The following PTPN22 variants were observed in gnomAD, a reference collection of about 807,000 sequenced individuals.
The protein encoded by PTPN22 is tyrosine-protein phosphatase non-receptor type 22.
PTPN22 carries 85 observed loss-of-function variants against 103.3 expected under a neutral mutation model. The observed-to-expected ratio is 0.82, with a 90% confidence interval of 0.69 to 0.99. PTPN22 has a LOEUF of 0.99. Among genes scored for constraint, PTPN22 ranks in the 50% least tolerant of loss-of-function variants. The pLI, the probability that PTPN22 is intolerant of heterozygous loss-of-function variation, is 0.00. For synonymous variants in PTPN22, 323 were observed against 310.2 expected, an observed-to-expected ratio of 1.04 and a Z score of -0.43; for missense variants, 865 against 936.9, an observed-to-expected ratio of 0.92 and a Z score of 1.00.
intron 16 of PTPN22, among the ~76,000 whole-genome samples, chr1:113,831,419 G>C (rs190094399): frequency 6.6e-6 from 1 of 151,996 alleles, no homozygotes; most frequent in African/African-American, 2.4e-5. Flanking sequence ...CCCAGCCCCT[G>C]GCAATCACTA....
Position 113,838,540 on chromosome 1 carries a change from T to C in PTPN22, c.992+4A>G, listed in dbSNP as rs1428057435. ...AACATTTAGATATATAAAATTGTACTCACCTTTTTGGTAAATTAGGAGAAT... is the reference window on the plus strand; with the variant it reads ...AACATTTAGATATATAAAATTGTACCCACCTTTTTGGTAAATTAGGAGAAT... On this transcript the variant is annotated splice_donor_region_variant and intron_variant, in intron 12 of 20. Transcript: ENST00000359785. 6.2e-7 allele frequency: 1 copy of C among 1,612,018 alleles called. No homozygotes were observed. Among genetic ancestry groups the C allele is most frequent in the Non-Finnish European group, 8.5e-7 (1 of 1,179,560 alleles).
chr1:113,848,691 C>G, intron 10 of PTPN22, 65 bp from the exon 11 acceptor site: 1 of 1,456,648 alleles, frequency 6.9e-7, no homozygotes, highest in Non-Finnish European at 9.4e-7. Context: ...ACGACAGGAC[C>G]AGATTTTAGG....
chr1:113,827,807 C>A (rs1662218102), intron 18 of PTPN22, among the ~76,000 whole-genome samples: 1 of 151,988 alleles, frequency 6.6e-6, no homozygotes, highest in Non-Finnish European at 1.5e-5. Flanking sequence ...CATAGCAAGA[C>A]CCCATCTCTA....
chr1:113,842,533 G>C (rs560633030), intron 11 of PTPN22, among the ~76,000 whole-genome samples: 2 of 152,146 alleles, frequency 1.3e-5, no homozygotes, highest in African/African-American at 4.8e-5. Context: ...AATTATCTGG[G>C]CGTGGTGGCA....
chr1:113,858,757 A>G (rs1322856959), intron 3 of PTPN22, among the ~76,000 whole-genome samples, 184 bp from the exon 4 acceptor site: 1 of 150,668 alleles, frequency 6.6e-6, no homozygotes, highest in African/African-American at 2.4e-5. Flanking sequence ...CCCTTTCCTC[A>G]GCCTCTCCAG....
rs1314425403 is a variant in PTPN22 at position 113,853,352 on chromosome 1, C to CTT, written c.750+1117_750+1118dup. Among the ~76,000 whole-genome samples the CTT allele has an allele frequency of 9.1e-4, 119 of 130,296 alleles. 1 individual carries two copies. Among genetic ancestry groups the CTT allele is most frequent in the South Asian group, 2.0e-3 (8 of 4,020 alleles). The allele number at this position is 130,296 out of a possible 152,430, so 85.5% of individuals were successfully genotyped here. A position where few individuals can be genotyped will look rare whatever the true frequency, so the allele number is the denominator to read the frequency against. On this transcript the variant is annotated intron_variant, in intron 9 of 20. Transcript: ENST00000359785. The stretch of plus-strand genomic sequence containing the variant: ...GTGATTTTAAATTTTCTTTTTCTTT[C>CTT]TTTTTTTTTTTTTTTTTTGAGGACT...
exon 1 of PTPN22, chr1:113,871,639 A>C: frequency 6.2e-7 from 1 of 1,612,564 alleles, no homozygotes; most frequent in Non-Finnish European, 8.5e-7. Context: ...AGAGCAAGAA[A>C]AATAGTCTAT....
Position 113,854,938 on chromosome 1 carries a change from C to T in PTPN22, c.652G>A (p.Asp218Asn). 1 of 1,613,276 alleles carries T rather than the reference C, an allele frequency of 6.2e-7. No homozygotes were observed. Among genetic ancestry groups the T allele is most frequent in the South Asian group, 1.1e-5 (1 of 91,058 alleles). Reference sequence around the variant, plus strand: ...TGAATGCATATGGGAACACTGTCATCCTCTTGGTAACAACGTACATCCCAG... The same window carrying T: ...TGAATGCATATGGGAACACTGTCATTCTCTTGGTAACAACGTACATCCCAG... The change falls in exon 8 of 21, where the codon GAT (aspartate) becomes AAT (asparagine). Residue 218 changes from aspartate (D) to asparagine (N), a missense_variant. Coordinates refer to ENST00000359785, the Ensembl canonical transcript of PTPN22.
intron 5 of PTPN22, 101 bp downstream of exon 5, chr1:113,857,637 G>A (rs1004066126): frequency 2.5e-5 from 28 of 1,105,720 alleles, no homozygotes; most frequent in Non-Finnish European, 3.5e-5. Context: ...GATGACATAA[G>A]TTTTATCTAG....
At chr1:113,841,258 G>A (rs1663523903) in intron 11 of PTPN22, among the ~76,000 whole-genome samples, 1 of 151,856 alleles carries the variant, frequency 6.6e-6, no homozygotes, top group South Asian at 2.1e-4. Flanking sequence ...AATGAAGTTG[G>A]ACCCTTATCT....
rs371956598 is a variant in PTPN22, at chr1:113,843,087, G to A, written c.916-4467C>T. Reference sequence around the variant, plus strand: ...TGCACTCCAGCCTGGGCGACAGAGCGAGACTCCGTCTCAAAAAAAAAAAAA... The same window carrying A: ...TGCACTCCAGCCTGGGCGACAGAGCAAGACTCCGTCTCAAAAAAAAAAAAA... On this transcript the variant is annotated intron_variant, in intron 11 of 20. Transcript: ENST00000359785. Among the ~76,000 whole-genome samples the A allele has an allele frequency of 8.9e-3, 326 of 36,752 alleles. 2 individuals carry two copies. Among genetic ancestry groups the A allele is most frequent in the African/African-American group, 0.048 (313 of 6,474 alleles). 24.1% of individuals were successfully genotyped at this position (36,752 alleles called of 152,430 possible).
At chr1:113,833,226 A>G in intron 15 of PTPN22, 88 bp from the exon 16 acceptor site, 1 of 919,860 alleles carries the variant, frequency 1.1e-6, no homozygotes. Context: ...TTTTGAACTT[A>G]TATGTAATAT....
chr1:113,826,590 A>T (rs1662083200), intron 18 of PTPN22, among the ~76,000 whole-genome samples: 1 of 151,162 alleles, frequency 6.6e-6, no homozygotes, highest in Admixed American at 6.6e-5. Flanking sequence ...TTCTGTATTC[A>T]ATTTACTAAG....
chr1:113,850,276 A>AAGGAAGGAAGGAAGGAAG (rs1664471485), intron 10 of PTPN22, among the ~76,000 whole-genome samples: 1 of 146,640 alleles, frequency 6.8e-6, no homozygotes, highest in Non-Finnish European at 1.5e-5. Context: ...AAGGAAGGAA[A>AAGGAAGGAAGGAAGGAAG]GAAAGGAAGA....
At chr1:113,846,687 TG>T (rs1294331438) in intron 11 of PTPN22, among the ~76,000 whole-genome samples, 1 of 152,176 alleles carries the variant, frequency 6.6e-6, no homozygotes, top group Non-Finnish European at 1.5e-5. Context: ...GAGAATGTCT[TG>T]ATTTCCCCTT....
At position 113,855,053 on chromosome 1, in the gene PTPN22, T is replaced by C. The variant is rs750528172; in HGVS notation, c.541-4A>G. On this transcript the variant is annotated splice_region_variant and splice_polypyrimidine_tract_variant and intron_variant, in intron 7 of 20. Transcript: ENST00000359785. ...ACTGGTAGATAGTTCGAGTTTCCTA[T>C]AAAAAGTAGCCAGATGGGAGGGGAA... The C allele has an allele frequency of 6.8e-6, 11 of 1,606,510 alleles. No individual in the cohort carries two copies. Among genetic ancestry groups the C allele is most frequent in the African/African-American group, 6.7e-5 (5 of 74,694 alleles).
chr1:113,845,842 A>G (rs184336486), intron 11 of PTPN22, among the ~76,000 whole-genome samples: 7 of 152,304 alleles, frequency 4.6e-5, no homozygotes, highest in African/African-American at 1.4e-4. Flanking sequence ...TAGGACTATT[A>G]TGTCTTACTG....
intron 19 of PTPN22, among the ~76,000 whole-genome samples, chr1:113,824,292 G>T (rs1276787005): frequency 6.6e-6 from 1 of 151,654 alleles, no homozygotes; most frequent in African/African-American, 2.4e-5. Context: ...AGTAGAGACG[G>T]GGTTACACTA....
At chr1:113,836,402 T>C (rs1663021452) in intron 13 of PTPN22, among the ~76,000 whole-genome samples, 1 of 152,202 alleles carries the variant, frequency 6.6e-6, no homozygotes, top group African/African-American at 2.4e-5. Flanking sequence ...AGTAAAGGTA[T>C]ACATATGATA....
Sources: gnomAD v4.1 joint callset for allele counts (sites outside exome capture counted in the v4.1 genomes callset) on GRCh38, gnomAD v4.1.1 for gene constraint, MANE v1.5 for transcripts, NCBI Gene and HGNC (gene_info 2026-07-23, HGNC 2026-07-21) for gene names.